The following SHCBP1 variants were observed in gnomAD, a reference collection of about 807,000 sequenced individuals.
SHCBP1 encodes SHC binding and spindle associated 1.
A neutral mutation model predicts 75.1 loss-of-function variants in SHCBP1; 60 were observed. The ratio of observed to expected loss-of-function variants is 0.80; its 90% CI spans 0.65 to 0.99. SHCBP1 has a LOEUF of 0.99. Among genes scored for constraint, SHCBP1 ranks in the 50% least tolerant of loss-of-function variants. SHCBP1 has a pLI of 0.00. For synonymous variants in SHCBP1, 290 were observed against 293.2 expected (o/e 0.99, Z 0.11); for missense variants, 709 against 809.4 (o/e 0.88, Z 1.50).
At chr16:46,610,662 G>A (rs1001971311) in intron 4 of SHCBP1, among the ~76,000 whole-genome samples, 5 of 146,988 alleles carry the variant, frequency 3.4e-5, no homozygotes, top group Admixed American at 2.1e-4. Context: ...GGGTTCAAGC[G>A]ATTCTCCTGC....
Position 46,584,050 on chromosome 16 carries a change from G to T in SHCBP1, c.1504C>A (p.Leu502Met). Residue 502 changes from leucine (L) to methionine (M), a missense_variant, in exon 11 of 13, where the codon CTG becomes ATG. By Grantham distance (15) the Leu-to-Met change is conservative. Transcript: ENST00000303383. ...CAGTGATGGATCCCATTGTCACTCA[G>T]GGTGCACTGACTCCCAGGGTAGATT... ...IEIYPGSQCT[L>M]SDNGIHHCKE... 1 of 1,606,104 alleles carries T rather than the reference G, an allele frequency of 6.2e-7. No individual in the cohort carries two copies. Among genetic ancestry groups the T allele is most frequent in the Non-Finnish European group, 8.5e-7 (1 of 1,175,776 alleles).
intron 9 of SHCBP1, among the ~76,000 whole-genome samples, chr16:46,596,010 C>A (rs894237996): frequency 3.3e-5 from 5 of 151,878 alleles, no homozygotes; most frequent in Non-Finnish European, 7.4e-5. Flanking sequence ...TTCCAGGAAA[C>A]AAACATTACT....
In SHCBP1 at chr16:46,579,296, A is replaced by T. The variant is rs1474399379; in HGVS notation, c.*2433T>A. On this transcript the variant is annotated 3_prime_UTR_variant, in exon 13 of 13. Transcript: ENST00000303383. ...GGGCACTCCCTAAATTCCCTATGCT[A>T]TACCATTTGAGATGTTTAACTCTCC... Among the ~76,000 whole-genome samples, 1 of 152,180 alleles carries T rather than the reference A, an allele frequency of 6.6e-6. No individual in the cohort carries two copies. Among genetic ancestry groups the T allele is most frequent in the East Asian group, 1.9e-4 (1 of 5,200 alleles).
At chr16:46,619,318 T>C (rs1377305222) in intron 1 of SHCBP1, among the ~76,000 whole-genome samples, 1 of 152,226 alleles carries the variant, frequency 6.6e-6, no homozygotes. Context: ...AGGGAAGGTA[T>C]CTGAGCTGTT....
Position 46,596,419 on chromosome 16 carries a change from A to G in SHCBP1, c.1346-749T>C, listed in dbSNP as rs571782644. On this transcript the variant is annotated intron_variant, in intron 9 of 12. Coordinates refer to ENST00000303383, the MANE Select transcript of SHCBP1 (RefSeq NM_024745.5). Reference sequence around the variant, plus strand: ...CTACTTGGGAGGTTGAGGCAGGAGAATTGCTTGAACCCAAAAGGCGGAGCT... The same window carrying G: ...CTACTTGGGAGGTTGAGGCAGGAGAGTTGCTTGAACCCAAAAGGCGGAGCT... Among the ~76,000 whole-genome samples the G allele has an allele frequency of 8.3e-4, 126 of 151,940 alleles. 1 individual carries two copies. The highest frequency in any genetic ancestry group is 2.8e-3 in the African/African-American group (117 of 41,510).
chr16:46,604,318 T>A lies in SHCBP1; in HGVS notation c.833A>T (p.Glu278Val). Residue 278 changes from glutamate (E) to valine (V), a missense_variant, in exon 6 of 13, where the codon GAA (glutamate) becomes GTA (valine). Coordinates refer to ENST00000303383, the MANE Select transcript of SHCBP1 (RefSeq NM_024745.5). ...LSNCNSDSEQ[E>V]NISMVEGLKL... ...TAACCCTTCCACCATGGAGATATTT[T>A]CCTGCTCGGAATCAGAGTTACAATT... 6.2e-7 allele frequency: 1 copy of A among 1,614,220 alleles called. No homozygotes were observed. The highest frequency in any genetic ancestry group is 8.5e-7 in the Non-Finnish European group (1 of 1,180,036).
chr16:46,591,270 A>G (rs747370911), intron 10 of SHCBP1, among the ~76,000 whole-genome samples: 2 of 152,220 alleles, frequency 1.3e-5, no homozygotes, highest in African/African-American at 2.4e-5. Context: ...TACATATGTA[A>G]CAAACCTGCA....
rs376151935 is a variant in SHCBP1, at chr16:46,581,690, C to T, written c.*39G>A. On this transcript the variant is annotated 3_prime_UTR_variant, in exon 13 of 13. Transcript: ENST00000303383. ...GCAGTGATTCTTAGGGCAGCATGTG[C>T]AAAATCCAGTATTTTGCTATCTACT... The T allele has an allele frequency of 1.7e-5, 26 of 1,559,482 alleles. No homozygotes were observed. The highest frequency in any genetic ancestry group is 1.7e-5 in the Admixed American group (1 of 57,326).
intron 10 of SHCBP1, among the ~76,000 whole-genome samples, chr16:46,587,705 A>G (rs139348449): frequency 3.7e-4 from 57 of 152,292 alleles, no homozygotes; most frequent in Non-Finnish European, 6.9e-4. Flanking sequence ...ACTCCCACAC[A>G]ATAATAATGG....
rs527501804 is a variant in SHCBP1 at position 46,579,592 on chromosome 16, G to A, written c.*2137C>T. Among the ~76,000 whole-genome samples, 1 of 152,026 alleles carries A rather than the reference G, an allele frequency of 6.6e-6. No homozygotes were observed. The highest frequency in any genetic ancestry group is 6.6e-5 in the Admixed American group (1 of 15,256). On this transcript the variant is annotated 3_prime_UTR_variant, in exon 13 of 13. Coordinates refer to ENST00000303383, the MANE Select transcript of SHCBP1 (RefSeq NM_024745.5). ...AGGTGGGTGGATCACTTGAGGTCAG[G>A]AGTTTGAGAACAGCCTGGGCAACAT...
rs1346848709 is a variant in SHCBP1, at chr16:46,591,049, G to A, written c.1464+4503C>T. On this transcript the variant is annotated intron_variant, in intron 10 of 12. Transcript: ENST00000303383. ...GGATGAAGCTGGAAACCATCATTCTGAGCAAACTATCGCAAGGACAGAAAA... is the reference window on the plus strand; with the variant it reads ...GGATGAAGCTGGAAACCATCATTCTAAGCAAACTATCGCAAGGACAGAAAA... Among the ~76,000 whole-genome samples the A allele has an allele frequency of 4.6e-5, 7 of 152,086 alleles. No individual in the cohort carries two copies. In the East Asian group the frequency reaches 1.2e-3, roughly 25 times the overall value.
chr16:46,619,828 A>C (rs1420361556), intron 1 of SHCBP1, among the ~76,000 whole-genome samples: 1 of 152,170 alleles, frequency 6.6e-6, no homozygotes, highest in Non-Finnish European at 1.5e-5. Context: ...TGAGGTTAGG[A>C]GCTCGACACC....
In SHCBP1 at chr16:46,580,044, G is replaced by A. The variant is rs1964847100; in HGVS notation, c.*1685C>T. On this transcript the variant is annotated 3_prime_UTR_variant, in exon 13 of 13. Transcript: ENST00000303383. ...GGCGACTGAGGCAGGAGAATTGCTT[G>A]AATTCAGGAGGTGGAGGTTACAGTA... Among the ~76,000 whole-genome samples the A allele has an allele frequency of 1.3e-5, 2 of 151,184 alleles. No homozygotes were observed. Among genetic ancestry groups the A allele is most frequent in the Admixed American group, 6.6e-5 (1 of 15,180 alleles).
At chr16:46,609,442 C>CTT (rs71158875) in intron 4 of SHCBP1, among the ~76,000 whole-genome samples, 20 of 61,296 alleles carry the variant, frequency 3.3e-4, no homozygotes, top group South Asian at 1.1e-3. Context: ...CTTTTCTTTT[C>CTT]TTTTTTTTTT....
intron 11 of SHCBP1, 23 bp from the exon 12 acceptor site, chr16:46,583,680 T>C: frequency 6.3e-7 from 1 of 1,592,792 alleles, no homozygotes; most frequent in Non-Finnish European, 8.5e-7. Context: ...AAACAAATGT[T>C]TTAGGAACTG....
intron 1 of SHCBP1, 63 bp downstream of exon 1, chr16:46,621,194 G>T (rs1965583956): frequency 6.7e-7 from 1 of 1,487,690 alleles, no homozygotes; most frequent in South Asian, 1.2e-5. Context: ...CGCCCTCCTA[G>T]GGTCCCGACG....
At position 46,600,053 on chromosome 16, in the gene SHCBP1, C is replaced by A. The variant is rs546270164; in HGVS notation, c.1214-91G>T. The stretch of plus-strand genomic sequence containing the variant: ...GAACAAGTTTCTCTAGTTTAAATGA[C>A]TGCAGATGATAATGAGACCAGTCAA... On this transcript the variant is annotated intron_variant, in intron 8 of 12. Coordinates refer to ENST00000303383, the MANE Select transcript of SHCBP1 (RefSeq NM_024745.5). 3.5e-6 allele frequency: 5 copies of A among 1,408,626 alleles called. No individual in the cohort carries two copies. In the East Asian group the frequency reaches 1.2e-4, roughly 34 times the overall value. 87.3% of individuals were successfully genotyped at this position (1,408,626 alleles called of 1,614,324 possible).
intron 5 of SHCBP1, 74 bp downstream of exon 5, chr16:46,608,222 TC>T: frequency 4.4e-6 from 4 of 907,850 alleles, no homozygotes; most frequent in Non-Finnish European, 7.1e-6. Flanking sequence ...TGTGTGTGTA[TC>T]TCACACAGGC....
In SHCBP1 at chr16:46,615,952, T is replaced by A; in HGVS notation, c.590A>T (p.His197Leu). The A allele has an allele frequency of 6.2e-7, 1 of 1,614,156 alleles. No homozygotes were observed. Among genetic ancestry groups the A allele is most frequent in the Non-Finnish European group, 8.5e-7 (1 of 1,180,014 alleles). The change falls in exon 4 of 13, where the codon CAT becomes CTT. Residue 197 changes from histidine to leucine, a missense_variant. His to Leu is a moderately conservative substitution (Grantham distance 99). Transcript: ENST00000303383. ...TCTCAACTTCTTTTCCTACCTGACA[T>A]GCTCAATTGCAAGGGCTGTCTGGTC... ...VFDQTALAIE[H>L]VRFFYQNIWR...
Sources: allele counts gnomAD v4.1 joint callset (sites outside exome capture counted in the v4.1 genomes callset), GRCh38; gene constraint gnomAD v4.1.1; transcripts MANE v1.5; gene names NCBI Gene and HGNC (gene_info 2026-07-23, HGNC 2026-07-21).